The following CCDC178 variants were observed in gnomAD, a reference collection of about 807,000 sequenced individuals.
CCDC178 encodes coiled-coil domain-containing protein 178.
CCDC178 carries 126 observed loss-of-function variants against 117.4 expected under a neutral mutation model. The ratio of observed to expected loss-of-function variants is 1.07; its 90% CI spans 0.93 to 1.24. The LOEUF (loss-of-function observed/expected upper bound fraction) is 1.24. Among genes scored for constraint, CCDC178 ranks in the 50% most tolerant of loss-of-function variants. The pLI is 0.00. For missense variants in CCDC178, 1,030 were observed against 986.9 expected (o/e 1.04, Z -0.59); for synonymous variants, 283 against 313.4 (o/e 0.90, Z 1.02).
At chr18:32,991,990 G>A (rs2055404776) in intron 21 of CCDC178, among the ~76,000 whole-genome samples, 1 of 152,124 alleles carries the variant, frequency 6.6e-6, no homozygotes, top group Non-Finnish European at 1.5e-5. Flanking sequence ...GAACTTTTAG[G>A]TCTTCCCAAA....
chr18:32,977,641 C>T (rs555227944), intron 21 of CCDC178, among the ~76,000 whole-genome samples: 4 of 152,236 alleles, frequency 2.6e-5, no homozygotes, highest in African/African-American at 7.2e-5. Flanking sequence ...TTTCAAAGAA[C>T]GGCTGTAGGA....
At chr18:33,081,758 AAATTCT>A (rs2057301606) in intron 21 of CCDC178, among the ~76,000 whole-genome samples, 1 of 152,158 alleles carries the variant, frequency 6.6e-6, no homozygotes, top group Non-Finnish European at 1.5e-5. Context: ...CAACCTCACA[AAATTCT>A]AAACACTATA....
At chr18:32,942,434 G>A (rs2054259840) in intron 22 of CCDC178, among the ~76,000 whole-genome samples, 2 of 152,030 alleles carry the variant, frequency 1.3e-5, no homozygotes, top group Non-Finnish European at 2.9e-5. Flanking sequence ...AGGCAGAGAA[G>A]AAGCACATAC....
chr18:33,041,537 C>A (rs376656141), intron 21 of CCDC178, among the ~76,000 whole-genome samples: 3 of 150,700 alleles, frequency 2.0e-5, no homozygotes, highest in African/African-American at 7.3e-5. Flanking sequence ...TTACTAAATC[C>A]GTTAATAATA....
At position 32,937,887 on chromosome 18, in the gene CCDC178, AGT is replaced by A; in HGVS notation, c.*122_*123del. The A allele has an allele frequency of 1.4e-6, 1 of 694,164 alleles. No individual in the cohort carries two copies. Among genetic ancestry groups the A allele is most frequent in the South Asian group, 1.7e-5 (1 of 57,530 alleles). 43.0% of individuals were successfully genotyped at this position (694,164 alleles called of 1,614,324 possible). The stretch of plus-strand genomic sequence containing the variant: ...GAGTGGCAAAGCATGCTGGGAGGTG[AGT>A]GAGTTTTTCGTTCATGGAAGTGTGA... On this transcript the variant is annotated 3_prime_UTR_variant, in exon 23 of 23. Coordinates refer to ENST00000383096, the MANE Select transcript of CCDC178 (RefSeq NM_001105528.4).
chr18:33,325,945 A>G (rs921075924), intron 10 of CCDC178, among the ~76,000 whole-genome samples: 2 of 152,166 alleles, frequency 1.3e-5, no homozygotes, highest in Non-Finnish European at 2.9e-5. Flanking sequence ...GTTCCAAAAC[A>G]TTTTCATCAT....
chr18:33,113,607 A>G (rs1341535779), intron 20 of CCDC178, among the ~76,000 whole-genome samples: 11 of 152,008 alleles, frequency 7.2e-5, no homozygotes, highest in Non-Finnish European at 1.5e-5. Flanking sequence ...TAAAATTACA[A>G]GGGTTATAAA....
chr18:33,346,906 C>T (rs1294236757), intron 8 of CCDC178, among the ~76,000 whole-genome samples: 3 of 152,160 alleles, frequency 2.0e-5, no homozygotes, highest in Non-Finnish European at 4.4e-5. Flanking sequence ...TTTTGAAACT[C>T]TATTTATTTA....
chr18:33,130,456 ATTG>A (rs2058056686), intron 20 of CCDC178, among the ~76,000 whole-genome samples: 1 of 152,026 alleles, frequency 6.6e-6, no homozygotes, highest in Admixed American at 6.6e-5. Flanking sequence ...AGTATGTAGT[ATTG>A]TTGTAACTAT....
intron 21 of CCDC178, among the ~76,000 whole-genome samples, chr18:32,997,292 T>C (rs754655590): frequency 6.6e-6 from 1 of 152,198 alleles, no homozygotes; most frequent in Non-Finnish European, 1.5e-5. Flanking sequence ...AGATTGTTTA[T>C]TAGATTGGGA....
chr18:33,352,335 TA>T lies in CCDC178; in HGVS notation c.372-3361del, dbSNP rs1175949140. Among the ~76,000 whole-genome samples, 3 of 152,276 alleles carry T rather than the reference TA, an allele frequency of 2.0e-5. No individual in the cohort carries two copies. In the East Asian group the frequency reaches 5.8e-4, roughly 29 times the overall value. On this transcript the variant is annotated intron_variant, in intron 7 of 22. Coordinates refer to ENST00000383096, the MANE Select transcript of CCDC178 (RefSeq NM_001105528.4). Reference sequence around the variant, plus strand: ...TCTTTTTATTTTTGGTTAGTTTAGCTAAAGGTTTGTGAATTTCATTGCTCTT... The same window carrying T: ...TCTTTTTATTTTTGGTTAGTTTAGCTAAGGTTTGTGAATTTCATTGCTCTT...
intron 21 of CCDC178, among the ~76,000 whole-genome samples, chr18:33,083,067 T>C (rs1329256021): frequency 1.3e-5 from 2 of 152,220 alleles, no homozygotes; most frequent in African/African-American, 4.8e-5. Context: ...CTGAAATACA[T>C]GTAGAACTTA....
intron 5 of CCDC178, among the ~76,000 whole-genome samples, chr18:33,371,021 A>G: frequency 6.6e-6 from 1 of 152,036 alleles, no homozygotes; most frequent in East Asian, 1.9e-4. Flanking sequence ...CAATGAGAAC[A>G]GTGTGATGTC....
At chr18:32,972,249 T>C (rs374516305) in intron 22 of CCDC178, among the ~76,000 whole-genome samples, 2 of 152,154 alleles carry the variant, frequency 1.3e-5, no homozygotes, top group Non-Finnish European at 2.9e-5. Context: ...CTAGCCAGTT[T>C]TCCCAGCACC....
intron 9 of CCDC178, among the ~76,000 whole-genome samples, chr18:33,333,874 AAAAGGATT>A (rs1218252389): frequency 6.6e-6 from 1 of 152,170 alleles, no homozygotes; most frequent in African/African-American, 2.4e-5. Flanking sequence ...ATTCATCATC[AAAAGGATT>A]AAAATATATG....
intron 5 of CCDC178, among the ~76,000 whole-genome samples, chr18:33,385,918 A>C (rs1348997534): frequency 6.6e-6 from 1 of 152,130 alleles, no homozygotes; most frequent in African/African-American, 2.4e-5. Context: ...CGAATCCAGG[A>C]GCTATTTTTT....
At chr18:33,413,514 T>C (rs138653107) in intron 2 of CCDC178, among the ~76,000 whole-genome samples, 10 of 113,570 alleles carry the variant, frequency 8.8e-5, no homozygotes, top group African/African-American at 2.1e-4. Context: ...TCCAGTAAGA[T>C]AGAACTGGGT....
intron 5 of CCDC178, among the ~76,000 whole-genome samples, chr18:33,382,316 G>A (rs1890881966): frequency 2.6e-5 from 4 of 152,104 alleles, no homozygotes; most frequent in South Asian, 4.1e-4. Context: ...CACTTTCAGA[G>A]ATAATGTTTA....
At position 33,323,597 on chromosome 18, in the gene CCDC178, C is replaced by G; in HGVS notation, c.916G>C (p.Glu306Gln). The G allele has an allele frequency of 6.4e-7, 1 of 1,553,768 alleles. No homozygotes were observed. Among genetic ancestry groups the G allele is most frequent in the Admixed American group, 1.9e-5 (1 of 52,482 alleles). The change falls in exon 11 of 23, where the codon GAA (glutamate) becomes CAA (glutamine). Residue 306 changes from glutamate to glutamine, a missense_variant. Coordinates refer to ENST00000383096, the MANE Select transcript of CCDC178 (RefSeq NM_001105528.4). Reference protein sequence around the residue: ...DLHRKVNEELEEALEACENAR... With the variant: ...DLHRKVNEELQEALEACENAR... ...TTTTCACAGGCTTCTAAAGCTTCTT[C>G]AAGTTCTTCATTAACTTTTCTGTGT...
Sources: gnomAD v4.1 joint callset for allele counts (sites outside exome capture counted in the v4.1 genomes callset) on GRCh38, gnomAD v4.1.1 for gene constraint, MANE v1.5 for transcripts, NCBI Gene and HGNC (gene_info 2026-07-23, HGNC 2026-07-21) for gene names.